Variants in TMEM38B observed in about 807,000 individuals in gnomAD.
The protein encoded by TMEM38B is trimeric intracellular cation channel type B.
A neutral mutation model predicts 28.7 loss-of-function variants in TMEM38B; 24 were observed. The observed-to-expected ratio is 0.84, with a 90% CI of 0.61 to 1.18. The LOEUF is 1.18. Among genes scored for constraint, TMEM38B ranks in the 50% most tolerant of loss-of-function variants. TMEM38B has a pLI of 0.00. For synonymous variants in TMEM38B, 131 were observed against 127.7 expected (o/e 1.03, Z -0.17); for missense variants, 380 against 350.9 (o/e 1.08, Z -0.66).
chr9:105,753,016 C>T (rs1177777802), intron 5 of TMEM38B, among the ~76,000 whole-genome samples: 1 of 152,124 alleles, frequency 6.6e-6, no homozygotes, highest in African/African-American at 2.4e-5. Flanking sequence ...GAGAACTTCA[C>T]AATGCAATCA....
At chr9:105,743,124 C>G (rs1837264014) in intron 4 of TMEM38B, among the ~76,000 whole-genome samples, 1 of 152,132 alleles carries the variant, frequency 6.6e-6, no homozygotes, top group South Asian at 2.1e-4. Context: ...ATGACTGTTA[C>G]CCAATCATAT....
chr9:105,732,276 G>A (rs1836778651), intron 4 of TMEM38B, among the ~76,000 whole-genome samples: 1 of 152,090 alleles, frequency 6.6e-6, no homozygotes, highest in Non-Finnish European at 1.5e-5. Context: ...CACTCTGATG[G>A]TAGTTTCTTT....
intron 4 of TMEM38B, among the ~76,000 whole-genome samples, chr9:105,723,564 A>C (rs979389451): frequency 6.6e-6 from 1 of 151,748 alleles, no homozygotes; most frequent in Non-Finnish European, 1.5e-5. Flanking sequence ...GCTACTTTTA[A>C]AAATTTTTGT....
At chr9:105,709,895 A>G (rs990376952) in intron 2 of TMEM38B, among the ~76,000 whole-genome samples, 1 of 152,256 alleles carries the variant, frequency 6.6e-6, no homozygotes, top group Non-Finnish European at 1.5e-5. Context: ...GAGGCAGACC[A>G]ACAGAGGCAC....
intron 5 of TMEM38B, among the ~76,000 whole-genome samples, chr9:105,771,053 ATT>A (rs1426120867): frequency 1.3e-5 from 2 of 152,180 alleles, no homozygotes; most frequent in Non-Finnish European, 2.9e-5. Flanking sequence ...CTTTAAACAA[ATT>A]TCTTTACCTG....
chr9:105,758,006 G>C (rs562978570), intron 5 of TMEM38B, among the ~76,000 whole-genome samples: 5 of 152,200 alleles, frequency 3.3e-5, no homozygotes, highest in African/African-American at 1.2e-4. Context: ...ATGGTACGGG[G>C]CACAACTTTA....
At chr9:105,758,195 A>G (rs1837903019) in intron 5 of TMEM38B, 1 of 654,020 alleles carries the variant, frequency 1.5e-6, no homozygotes, top group Non-Finnish European at 2.8e-6. Context: ...CCCAGGCCTT[A>G]TCTGGCCACC....
intron 1 of TMEM38B, among the ~76,000 whole-genome samples, chr9:105,697,940 A>G (rs115491498): frequency 5.6e-4 from 85 of 152,218 alleles, no homozygotes; most frequent in African/African-American, 2.0e-3. Context: ...TTTGTTGTAT[A>G]GATGTTCCTT....
chr9:105,756,735 A>C (rs1837845296), intron 5 of TMEM38B, among the ~76,000 whole-genome samples: 1 of 152,198 alleles, frequency 6.6e-6, no homozygotes, highest in African/African-American at 2.4e-5. Context: ...AAAAATAGGA[A>C]AACGTACAAT....
intron 5 of TMEM38B, among the ~76,000 whole-genome samples, chr9:105,772,517 G>A (rs964698340): frequency 6.6e-6 from 1 of 152,086 alleles, no homozygotes; most frequent in African/African-American, 2.4e-5. Context: ...GCCCCATCAG[G>A]TTCTGCCTAT....
At chr9:105,771,568 G>T (rs1001892793) in intron 5 of TMEM38B, among the ~76,000 whole-genome samples, 2 of 152,102 alleles carry the variant, frequency 1.3e-5, no homozygotes, top group African/African-American at 4.8e-5. Context: ...TTTTTGATTG[G>T]AATTCTATTA....
intron 2 of TMEM38B, 82 bp from the exon 3 acceptor site, chr9:105,721,454 AT>A: frequency 1.9e-6 from 2 of 1,043,058 alleles, no homozygotes; most frequent in Admixed American, 7.0e-5. Context: ...GTTTTGCCAA[AT>A]TGTTGTTGCT....
chr9:105,745,511 C>A (rs1454448968), intron 4 of TMEM38B, among the ~76,000 whole-genome samples: 1 of 152,128 alleles, frequency 6.6e-6, no homozygotes, highest in Non-Finnish European at 1.5e-5. Context: ...AAGTAGATTG[C>A]AAACATTTTC....
rs936169317 is a variant in TMEM38B, at chr9:105,733,937, A to C, written c.542+11316A>C. ...TCAGTTTGATTGATTTTTTTCCCCT[A>C]TGTTTTTTCTATTTGATTTATTTCT... is the stretch of plus-strand genomic sequence containing the variant. On this transcript the variant is annotated intron_variant, in intron 4 of 5. Coordinates refer to ENST00000374692, the MANE Select transcript of TMEM38B (RefSeq NM_018112.3). 2.6e-5 allele frequency among the ~76,000 whole-genome samples: 4 copies of C among 150,950 alleles called. No homozygotes were observed. The South Asian group carries it at 8.3e-4, about 31-fold the overall frequency.
At chr9:105,752,644 G>T (rs923542427) in intron 5 of TMEM38B, among the ~76,000 whole-genome samples, 1 of 152,068 alleles carries the variant, frequency 6.6e-6, no homozygotes, top group East Asian at 1.9e-4. Flanking sequence ...AACAAAAAAG[G>T]CCCCACAAAA....
intron 2 of TMEM38B, among the ~76,000 whole-genome samples, chr9:105,715,980 T>C (rs1468788840): frequency 6.6e-6 from 1 of 152,230 alleles, no homozygotes; most frequent in Non-Finnish European, 1.5e-5. Context: ...AAATTGGCTT[T>C]CATAAACTTG....
intron 5 of TMEM38B, among the ~76,000 whole-genome samples, chr9:105,754,652 A>G (rs1286377628): frequency 4.6e-5 from 7 of 152,224 alleles, no homozygotes; most frequent in Non-Finnish European, 7.3e-5. Context: ...AATTTATAGC[A>G]CTAAATGCCC....
In TMEM38B at chr9:105,705,714, T is replaced by A. The variant is rs1417641239; in HGVS notation, c.230T>A (p.Leu77His). 6.2e-7 allele frequency: 1 copy of A among 1,613,802 alleles called. No individual in the cohort carries two copies. Among genetic ancestry groups the A allele is most frequent in the Non-Finnish European group, 8.5e-7 (1 of 1,180,020 alleles). ...CTTGCAGAGCCTCCATTGAAGTTTC[T>A]TGCAAACCACACTAACATATTACTG... ...LLLAEPPLKFLANHTNILLAS... is the reference protein window; with the variant it reads ...LLLAEPPLKFHANHTNILLAS... The change falls in exon 2 of 6, where the codon CTT (leucine) becomes CAT (histidine). Residue 77 changes from leucine (L) to histidine (H), a missense_variant. Coordinates refer to ENST00000374692, the MANE Select transcript of TMEM38B (RefSeq NM_018112.3).
At chr9:105,739,886 A>G (rs1043717929) in intron 4 of TMEM38B, among the ~76,000 whole-genome samples, 1 of 149,534 alleles carries the variant, frequency 6.7e-6, no homozygotes, top group Non-Finnish European at 1.5e-5. Flanking sequence ...GTCTTTTTAA[A>G]CTTTTTTTTT....
Sources: allele counts gnomAD v4.1 joint callset (sites outside exome capture counted in the v4.1 genomes callset), GRCh38; gene constraint gnomAD v4.1.1; transcripts MANE v1.5; gene names NCBI Gene and HGNC (gene_info 2026-07-23, HGNC 2026-07-21).